The following SGMS1 variants were observed in gnomAD, a reference collection of about 807,000 sequenced individuals.
SGMS1 encodes the protein phosphatidylcholine:ceramide cholinephosphotransferase 1.
In SGMS1, 13 loss-of-function variants were observed where a neutral mutation model predicts 46.2. The ratio of observed to expected loss-of-function variants is 0.28; its 90% CI spans 0.18 to 0.45. The LOEUF (loss-of-function observed/expected upper bound fraction) is 0.45. Ranked by LOEUF, SGMS1 falls within the 20% of genes least tolerant of loss-of-function variation. The pLI, the probability that SGMS1 is intolerant of heterozygous loss-of-function variation, is 1.00. For synonymous variants in SGMS1, 203 were observed against 187.8 expected, an observed-to-expected ratio of 1.08 and a Z score of -0.66; for missense variants, 324 against 519.9, an observed-to-expected ratio of 0.62 and a Z score of 3.66.
intron 5 of SGMS1, among the ~76,000 whole-genome samples, chr10:50,441,058 G>T (rs1015373321): frequency 1.3e-5 from 2 of 152,190 alleles, no homozygotes; most frequent in Non-Finnish European, 2.9e-5. Flanking sequence ...TTCGGCAAAC[G>T]ACATTGCATG....
At chr10:50,330,530 G>A (rs1847606966) in intron 7 of SGMS1, among the ~76,000 whole-genome samples, 1 of 152,042 alleles carries the variant, frequency 6.6e-6, no homozygotes, top group South Asian at 2.1e-4. Context: ...TTACTATAGT[G>A]GAAAGTAAAA....
At chr10:50,317,745 G>T (rs942526390) in intron 8 of SGMS1, among the ~76,000 whole-genome samples, 1 of 150,218 alleles carries the variant, frequency 6.7e-6, no homozygotes, top group Non-Finnish European at 1.5e-5. Context: ...ACTATTTTTC[G>T]TAAGCTTAGT....
At chr10:50,324,563 T>C (rs1036536522) in intron 8 of SGMS1, among the ~76,000 whole-genome samples, 3 of 152,230 alleles carry the variant, frequency 2.0e-5, no homozygotes, top group South Asian at 4.1e-4. Flanking sequence ...TGGAGGATTC[T>C]AGCCCTTGCC....
At chr10:50,334,887 T>G (rs1436214) in intron 7 of SGMS1, 1 of 152,102 alleles carries the variant, frequency 6.6e-6, no homozygotes, top group Admixed American at 6.5e-5. Flanking sequence ...GAGGTTAGAA[T>G]TGGGGGCTAA....
chr10:50,405,228 T>TA (rs554012698), intron 6 of SGMS1, among the ~76,000 whole-genome samples: 3 of 151,564 alleles, frequency 2.0e-5, no homozygotes, highest in Non-Finnish European at 2.9e-5. Context: ...AAAACCTAAT[T>TA]AAAAAAAATA....
intron 6 of SGMS1, among the ~76,000 whole-genome samples, chr10:50,416,939 T>C (rs564435797): frequency 6.6e-6 from 1 of 151,492 alleles, no homozygotes; most frequent in East Asian, 2.0e-4. Flanking sequence ...TGACAGTCTA[T>C]CTTTTAACCT....
At chr10:50,441,550 G>A (rs1050296871) in intron 5 of SGMS1, among the ~76,000 whole-genome samples, 1 of 152,212 alleles carries the variant, frequency 6.6e-6, no homozygotes, top group Non-Finnish European at 1.5e-5. Flanking sequence ...TCAAAGGTAT[G>A]TAAGAACATA....
At chr10:50,575,782 GGGAAAAA>G (rs1340756857) in intron 2 of SGMS1, among the ~76,000 whole-genome samples, 10 of 151,952 alleles carry the variant, frequency 6.6e-5, no homozygotes. Context: ...AATAAGGCTA[GGGAAAAA>G]ACAAAAGCAA....
At chr10:50,332,335 A>T (rs990314118) in intron 7 of SGMS1, among the ~76,000 whole-genome samples, 1 of 152,012 alleles carries the variant, frequency 6.6e-6, no homozygotes, top group Non-Finnish European at 1.5e-5. Flanking sequence ...TGTCACTGAC[A>T]TTCCATTCAA....
chr10:50,606,979 C>CT lies in SGMS1; in HGVS notation c.-684+16727dup, dbSNP rs1156272339. ...AACAAAGCTCAGCTCTAGCATTGTA[C>CT]TTTTTTTTTTTTTTTTTGAAACAAG... On this transcript the variant is annotated intron_variant, in intron 1 of 10. Coordinates refer to ENST00000361781, the MANE Select transcript of SGMS1 (RefSeq NM_147156.4). Among the ~76,000 whole-genome samples the CT allele has an allele frequency of 4.5e-3, 618 of 138,810 alleles. 1 individual carries two copies. The highest frequency in any genetic ancestry group is 9.6e-3 in the East Asian group (46 of 4,786). 91.1% of individuals were successfully genotyped at this position (138,810 alleles called of 152,430 possible).
intron 6 of SGMS1, among the ~76,000 whole-genome samples, chr10:50,392,791 G>A (rs1848792642): frequency 6.6e-6 from 1 of 152,154 alleles, no homozygotes; most frequent in Admixed American, 6.5e-5. Flanking sequence ...CCAGAACTAA[G>A]TAGGGGAAAG....
chr10:50,608,504 G>A (rs1838717631), intron 1 of SGMS1, among the ~76,000 whole-genome samples: 1 of 152,130 alleles, frequency 6.6e-6, no homozygotes, highest in Non-Finnish European at 1.5e-5. Context: ...GCTACTCAGT[G>A]CCCACTCCTC....
chr10:50,322,486 C>A (rs965431871), intron 8 of SGMS1, among the ~76,000 whole-genome samples: 1 of 152,158 alleles, frequency 6.6e-6, no homozygotes, highest in Non-Finnish European at 1.5e-5. Context: ...AAAGAATTCT[C>A]AAATATTCTG....
At chr10:50,599,975 T>C (rs913719048) in intron 1 of SGMS1, among the ~76,000 whole-genome samples, 2 of 152,234 alleles carry the variant, frequency 1.3e-5, no homozygotes, top group African/African-American at 4.8e-5. Context: ...ACTGACCAAC[T>C]GAAATATGAC....
chr10:50,493,019 C>CAACG (rs1837579914), intron 3 of SGMS1, among the ~76,000 whole-genome samples: 2 of 152,100 alleles, frequency 1.3e-5, no homozygotes, highest in African/African-American at 4.8e-5. Flanking sequence ...TGTCATGAGG[C>CAACG]AACGAACCTC....
chr10:50,506,451 A>T (rs16937771), intron 3 of SGMS1, among the ~76,000 whole-genome samples: 11,063 of 152,170 alleles, frequency 0.073, 1,010 homozygotes, highest in East Asian at 0.37. Context: ...CATCTATGCC[A>T]CACAGATTTC....
intron 1 of SGMS1, among the ~76,000 whole-genome samples, chr10:50,597,926 T>C (rs922483157): frequency 6.6e-6 from 1 of 150,948 alleles, no homozygotes; most frequent in Non-Finnish European, 1.5e-5. Context: ...GCAGGAGAAT[T>C]GCTTGAACCC....
intron 1 of SGMS1, among the ~76,000 whole-genome samples, chr10:50,607,923 C>A (rs1838712376): frequency 6.6e-6 from 1 of 152,104 alleles, no homozygotes; most frequent in Non-Finnish European, 1.5e-5. Context: ...ACAAACTAAA[C>A]AAATAAGTAA....
At chr10:50,483,149 G>A (rs1399490100) in intron 3 of SGMS1, among the ~76,000 whole-genome samples, 12 of 152,056 alleles carry the variant, frequency 7.9e-5, no homozygotes, top group East Asian at 1.9e-4. Flanking sequence ...GCATGATCTC[G>A]GCTCACTACA....
Sources: gnomAD v4.1 joint callset for allele counts (sites outside exome capture counted in the v4.1 genomes callset) on GRCh38, gnomAD v4.1.1 for gene constraint, MANE v1.5 for transcripts, NCBI Gene and HGNC (gene_info 2026-07-23, HGNC 2026-07-21) for gene names.